The following AGBL1 variants were observed in gnomAD, a reference collection of about 807,000 sequenced individuals.
The protein encoded by AGBL1 is AGBL carboxypeptidase 1, also known as cytosolic carboxypeptidase 4.
A neutral mutation model predicts 118.9 loss-of-function variants in AGBL1; 130 were observed. The observed-to-expected ratio is 1.09, with a 90% CI of 0.95 to 1.26. AGBL1 has a LOEUF of 1.26. Among genes scored for constraint, AGBL1 ranks in the 50% most tolerant of loss-of-function variants. AGBL1 has a pLI of 0.00. For missense variants in AGBL1, 1,584 were observed against 1,298.1 expected (o/e 1.22, Z -3.38); for synonymous variants, 555 against 478.9 (o/e 1.16, Z -2.08).
At chr15:86,299,175 A>C (rs905793975) in intron 17 of AGBL1, among the ~76,000 whole-genome samples, 4 of 152,094 alleles carry the variant, frequency 2.6e-5, no homozygotes, top group African/African-American at 9.7e-5. Context: ...ACTACTTTAC[A>C]CCTTGATATT....
intron 23 of AGBL1, among the ~76,000 whole-genome samples, chr15:86,987,129 C>A (rs2081292748): frequency 6.6e-6 from 1 of 152,076 alleles, no homozygotes; most frequent in African/African-American, 2.4e-5. Context: ...GGAATGTCAT[C>A]AGTGAAGGCA....
intron 21 of AGBL1, among the ~76,000 whole-genome samples, chr15:86,569,358 C>T (rs1310413887): frequency 6.7e-6 from 1 of 150,320 alleles, no homozygotes; most frequent in Non-Finnish European, 1.5e-5. Flanking sequence ...GAGATCATGT[C>T]ACTGCACTCC....
intron 21 of AGBL1, among the ~76,000 whole-genome samples, chr15:86,644,808 C>T (rs1012740232): frequency 7.1e-6 from 1 of 141,298 alleles, no homozygotes; most frequent in African/African-American, 2.6e-5. Flanking sequence ...GAGTTTGAGA[C>T]CAGCCTGACT....
At chr15:86,728,320 G>A (rs1194107291) in intron 22 of AGBL1, among the ~76,000 whole-genome samples, 1 of 152,204 alleles carries the variant, frequency 6.6e-6, no homozygotes, top group Admixed American at 6.5e-5. Flanking sequence ...GCAGGCTAGA[G>A]TTGACAAAAT....
intron 17 of AGBL1, among the ~76,000 whole-genome samples, chr15:86,340,705 G>C (rs1053046115): frequency 6.6e-5 from 10 of 152,176 alleles, no homozygotes. Flanking sequence ...GTAGTCCTAG[G>C]AAACAAAGTG....
intron 6 of AGBL1, among the ~76,000 whole-genome samples, chr15:86,238,430 A>T (rs916681752): frequency 3.9e-5 from 6 of 152,224 alleles, no homozygotes; most frequent in African/African-American, 1.4e-4. Flanking sequence ...CTGCCTAGCC[A>T]TAGGGAGAAT....
intron 18 of AGBL1, among the ~76,000 whole-genome samples, chr15:86,436,092 T>C (rs1463823726): frequency 1.5e-4 from 7 of 46,566 alleles, no homozygotes; most frequent in African/African-American, 7.3e-4. Context: ...TTCCTCTCTT[T>C]TTTTTTTTTT....
chr15:86,230,504 CTG>C (rs1299797252), intron 6 of AGBL1, among the ~76,000 whole-genome samples: 1 of 152,208 alleles, frequency 6.6e-6, no homozygotes, highest in African/African-American at 2.4e-5. Flanking sequence ...CATGTAAATT[CTG>C]TGTTTCCACA....
chr15:86,764,433 T>C (rs2078068038), intron 22 of AGBL1, among the ~76,000 whole-genome samples: 1 of 151,946 alleles, frequency 6.6e-6, no homozygotes, highest in South Asian at 2.1e-4. Context: ...ATTAACTGAG[T>C]GTGTCTAATG....
At chr15:86,933,488 A>C (rs1280322132) in intron 23 of AGBL1, among the ~76,000 whole-genome samples, 1 of 152,090 alleles carries the variant, frequency 6.6e-6, no homozygotes, top group African/African-American at 2.4e-5. Context: ...GCTCTCATAG[A>C]TCTCATCTCT....
At chr15:86,116,955 T>TC (rs1013264982) in intron 1 of AGBL1, among the ~76,000 whole-genome samples, 1 of 151,884 alleles carries the variant, frequency 6.6e-6, no homozygotes, top group Admixed American at 6.6e-5. Context: ...TCTTTTCTTT[T>TC]TTTTTTTTTT....
At chr15:86,435,550 C>T (rs1260454715) in intron 18 of AGBL1, among the ~76,000 whole-genome samples, 2 of 152,122 alleles carry the variant, frequency 1.3e-5, no homozygotes, top group Admixed American at 1.3e-4. Flanking sequence ...GAAGTTCAAG[C>T]CAAATTAGAG....
rs186096139 is a variant in AGBL1 at position 86,241,267 on chromosome 15, G to A, written c.527-6404G>A. The stretch of plus-strand genomic sequence containing the variant: ...GGCTCTGCTCATTGGTGAAGGGTAT[G>A]TGAAATTTGGATGCCATCTTTGTAG... On this transcript the variant is annotated intron_variant, in intron 6 of 22. Transcript: ENST00000614907. Among the ~76,000 whole-genome samples the A allele has an allele frequency of 2.5e-3, 383 of 152,314 alleles. 3 individuals carry two copies. Among genetic ancestry groups the A allele is most frequent in the Non-Finnish European group, 3.5e-3 (236 of 68,022 alleles).
intron 18 of AGBL1, among the ~76,000 whole-genome samples, chr15:86,430,540 G>T (rs369682857): frequency 2.0e-5 from 3 of 150,934 alleles, no homozygotes; most frequent in African/African-American, 4.9e-5. Context: ...CCAAGTGCTA[G>T]ACACTATTCT....
chr15:86,502,924 C>T (rs1171385965), intron 18 of AGBL1, among the ~76,000 whole-genome samples: 1 of 151,308 alleles, frequency 6.6e-6, no homozygotes, highest in Non-Finnish European at 1.5e-5. Context: ...TAATATTGGA[C>T]TCACAGAATG....
chr15:86,963,173 T>A (rs72755673), intron 23 of AGBL1, among the ~76,000 whole-genome samples: 1 of 151,978 alleles, frequency 6.6e-6, no homozygotes, highest in Non-Finnish European at 1.5e-5. Context: ...ACAAAAGCCA[T>A]GGACAACCTG....
chr15:86,599,197 G>T (rs965320975), intron 21 of AGBL1, among the ~76,000 whole-genome samples: 1 of 152,026 alleles, frequency 6.6e-6, no homozygotes, highest in African/African-American at 2.4e-5. Context: ...AGTTACAAAA[G>T]TTACAAAGGG....
intron 22 of AGBL1, among the ~76,000 whole-genome samples, chr15:86,725,991 A>AG (rs2086812611): frequency 6.6e-6 from 1 of 152,062 alleles, no homozygotes; most frequent in East Asian, 1.9e-4. Context: ...GTATGGTCAA[A>AG]AAAAAGATGG....
At chr15:86,220,755 C>T (rs1273682430) in intron 5 of AGBL1, among the ~76,000 whole-genome samples, 1 of 152,186 alleles carries the variant, frequency 6.6e-6, no homozygotes, top group Non-Finnish European at 1.5e-5. Context: ...ATGATTCTTT[C>T]ATTGATGTAA....
Sources: gnomAD v4.1 joint callset for allele counts (sites outside exome capture counted in the v4.1 genomes callset) on GRCh38, gnomAD v4.1.1 for gene constraint, MANE v1.5 for transcripts, NCBI Gene and HGNC (gene_info 2026-07-23, HGNC 2026-07-21) for gene names.